The following HMGB1 variants were observed in gnomAD, a reference collection of about 807,000 sequenced individuals.
The protein encoded by HMGB1 is high mobility group box 1.
For synonymous variants in HMGB1, 81 were observed against 84.0 expected (o/e 0.96, Z 0.19); for missense variants, 79 against 253.5 (o/e 0.31, Z 4.67).
At chr13:30,492,637 A>G (rs1887522456) in intron 1 of HMGB1, among the ~76,000 whole-genome samples, 1 of 152,228 alleles carries the variant, frequency 6.6e-6, no homozygotes, top group South Asian at 2.1e-4. Flanking sequence ...GTGAAGATGT[A>G]CAACTGCTGA....
At chr13:30,462,821 C>T in intron 3 of HMGB1, 109 bp from the exon 4 acceptor site, 1 of 840,586 alleles carries the variant, frequency 1.2e-6, no homozygotes, top group Non-Finnish European at 1.9e-6. Flanking sequence ...TTCTGTGATG[C>T]ATTGGACAGG....
Position 30,546,241 on chromosome 13 carries a change from G to A in HMGB1, c.-15+70430C>T, listed in dbSNP as rs764069346. ...AGCAATTCCCCTGCCTCAGCCTCCC[G>A]AGTAGCTGGGACTACAGGTGTGCAT... On this transcript the variant is annotated intron_variant, in intron 1 of 4. Coordinates refer to the HMGB1 transcript ENST00000405805. Among the ~76,000 whole-genome samples the A allele has an allele frequency of 3.9e-5, 6 of 152,148 alleles. No individual in the cohort carries two copies. In the East Asian group the frequency reaches 5.8e-4, roughly 15 times the overall value.
At position 30,509,246 on chromosome 13, in the gene HMGB1, C is replaced by CTTTTTTTTTTT. The variant is rs577983392; in HGVS notation, c.-14-45553_-14-45552insAAAAAAAAAAA. Among the ~76,000 whole-genome samples the CTTTTTTTTTTT allele has an allele frequency of 1.9e-3, 275 of 143,044 alleles. 9 individuals carry two copies. Among genetic ancestry groups the CTTTTTTTTTTT allele is most frequent in the African/African-American group, 6.6e-3 (251 of 37,892 alleles). The allele number at this position is 143,044 out of a possible 152,430, so 93.8% of individuals were successfully genotyped here. A position where few individuals can be genotyped will look rare whatever the true frequency, so the allele number is the denominator to read the frequency against. Reference sequence around the variant, plus strand: ...AGTCACTGCGCCCAGCACCAATATTCTTTTTTTTTTGAGATGGAATCTCAC... The same window carrying CTTTTTTTTTTT: ...AGTCACTGCGCCCAGCACCAATATTCTTTTTTTTTTTTTTTTTTTTTGAGATGGAATCTCAC... On this transcript the variant is annotated intron_variant, in intron 1 of 4. Coordinates refer to the HMGB1 transcript ENST00000405805.
At chr13:30,562,336 A>C (rs762773578) in intron 1 of HMGB1, among the ~76,000 whole-genome samples, 19 of 151,930 alleles carry the variant, frequency 1.3e-4, no homozygotes, top group Non-Finnish European at 2.5e-4. Context: ...TCACTGTATA[A>C]ATTTCTGTGT....
intron 1 of HMGB1, 55 bp from the exon 2 acceptor site, chr13:30,463,749 CT>C (rs1481078007): frequency 7.9e-5 from 90 of 1,141,728 alleles, no homozygotes; most frequent in Non-Finnish European, 1.0e-4. Context: ...CATATAAGAC[CT>C]TAAAGTACTT....
chr13:30,504,960 G>A (rs771521151), intron 1 of HMGB1, among the ~76,000 whole-genome samples: 51 of 151,980 alleles, frequency 3.4e-4, no homozygotes, highest in African/African-American at 1.1e-3. Context: ...AAATACCAAC[G>A]ATTTATTTTT....
rs1886026299 is a variant in HMGB1, at chr13:30,457,181, G to A, written c.*4176C>T. 6.6e-6 allele frequency: 1 copy of A among 151,962 alleles called. No individual in the cohort carries two copies. Among genetic ancestry groups the A allele is most frequent in the Non-Finnish European group, 1.5e-5 (1 of 67,998 alleles). The allele number at this position is 151,962 out of a possible 1,614,324, so 9.4% of individuals were successfully genotyped here. On this transcript the variant is annotated 3_prime_UTR_variant, in exon 5 of 5. Transcript: ENST00000341423. ...AAATTATTTATTTCTAGTAGACAAG[G>A]CCTCACTATGTTGCCCAGGCTAGTG...
At chr13:30,463,038 C>A (rs142816732) in intron 3 of HMGB1, among the ~76,000 whole-genome samples, 169 bp downstream of exon 3, 7 of 152,262 alleles carry the variant, frequency 4.6e-5, no homozygotes, top group Non-Finnish European at 4.4e-5. Flanking sequence ...GGGAACACTC[C>A]CACCCAACAG....
chr13:30,571,875 G>A lies in HMGB1; in HGVS notation c.-15+44796C>T, dbSNP rs146251033. Among the ~76,000 whole-genome samples, 8 of 151,916 alleles carry A rather than the reference G, an allele frequency of 5.3e-5. No individual in the cohort carries two copies. In the East Asian group the frequency reaches 5.8e-4, roughly 11 times the overall value. On this transcript the variant is annotated intron_variant, in intron 1 of 4. Transcript: ENST00000405805. ...CGTTCCTACACTTATAATGAGTTTCGTATATATATTAAAATAATTTAATGG... is the reference window on the plus strand; with the variant it reads ...CGTTCCTACACTTATAATGAGTTTCATATATATATTAAAATAATTTAATGG...
At chr13:30,509,781 C>A (rs1186759079) in intron 1 of HMGB1, among the ~76,000 whole-genome samples, 1 of 152,152 alleles carries the variant, frequency 6.6e-6, no homozygotes, top group Admixed American at 6.5e-5. Flanking sequence ...AAGGTCCATG[C>A]ATATTCACTG....
intron 1 of HMGB1, among the ~76,000 whole-genome samples, chr13:30,534,938 T>C (rs1888580621): frequency 6.6e-6 from 1 of 152,218 alleles, no homozygotes; most frequent in African/African-American, 2.4e-5. Flanking sequence ...CCTTCTAGAT[T>C]AGCATTTTCA....
At chr13:30,560,258 A>G (rs1869891080) in intron 1 of HMGB1, among the ~76,000 whole-genome samples, 1 of 152,230 alleles carries the variant, frequency 6.6e-6, no homozygotes, top group Admixed American at 6.5e-5. Context: ...CAAAGCAGGA[A>G]AAAAGTTCCA....
rs368535866 is a variant in HMGB1, at chr13:30,555,166, G to A, written c.-15+61505C>T. 4.1e-5 allele frequency among the ~76,000 whole-genome samples: 6 copies of A among 147,648 alleles called. No homozygotes were observed. The East Asian group carries it at 6.3e-4, about 15-fold the overall frequency. On this transcript the variant is annotated intron_variant, in intron 1 of 4. Coordinates refer to the HMGB1 transcript ENST00000405805. ...ACGCCATTCTCCTGCCTCAGCCTCC[G>A]GAGTAGCTGGGAATACAGGCGCCCG...
At chr13:30,603,846 T>A (rs772015556) in intron 1 of HMGB1, among the ~76,000 whole-genome samples, 1 of 152,216 alleles carries the variant, frequency 6.6e-6, no homozygotes, top group African/African-American at 2.4e-5. Context: ...TTATACTGTA[T>A]TGTTTAGGGA....
intron 1 of HMGB1, among the ~76,000 whole-genome samples, chr13:30,524,173 C>T (rs1005989900): frequency 4.6e-5 from 7 of 151,886 alleles, no homozygotes; most frequent in African/African-American, 1.7e-4. Flanking sequence ...GAACATCACA[C>T]ACCAGGGCCT....
chr13:30,551,972 G>A (rs1488558088), intron 1 of HMGB1, among the ~76,000 whole-genome samples: 1 of 152,146 alleles, frequency 6.6e-6, no homozygotes, highest in Non-Finnish European at 1.5e-5. Context: ...GGGATTCCAG[G>A]TGTGAGCCAC....
chr13:30,562,444 G>T lies in HMGB1; in HGVS notation c.-15+54227C>A, dbSNP rs139080481. Among the ~76,000 whole-genome samples the T allele has an allele frequency of 2.8e-3, 428 of 151,820 alleles. 1 individual carries two copies. The highest frequency in any genetic ancestry group is 9.8e-3 in the African/African-American group (406 of 41,406). ...TATAAAATTTATATATAAACTTGTTGACATATAAAATTCCATGTAAATGAC... is the reference window on the plus strand; with the variant it reads ...TATAAAATTTATATATAAACTTGTTTACATATAAAATTCCATGTAAATGAC... On this transcript the variant is annotated intron_variant, in intron 1 of 4. Coordinates refer to the HMGB1 transcript ENST00000405805.
intron 1 of HMGB1, among the ~76,000 whole-genome samples, chr13:30,571,423 T>C (rs1870424577): frequency 6.6e-6 from 1 of 151,978 alleles, no homozygotes; most frequent in African/African-American, 2.4e-5. Context: ...GCCTCCCAAG[T>C]AGCTGGGACT....
intron 1 of HMGB1, among the ~76,000 whole-genome samples, chr13:30,505,411 C>T (rs981837100): frequency 3.9e-5 from 6 of 152,042 alleles, no homozygotes; most frequent in Admixed American, 3.9e-4. Flanking sequence ...ATCTCCTGAC[C>T]TCGTGATCAG....
Sources: allele counts gnomAD v4.1 joint callset (sites outside exome capture counted in the v4.1 genomes callset), GRCh38; gene constraint gnomAD v4.1.1; transcripts MANE v1.5; gene names NCBI Gene and HGNC (gene_info 2026-07-23, HGNC 2026-07-21).